Variants in SAMD12 observed in about 807,000 individuals in gnomAD.
The protein encoded by SAMD12 is sterile alpha motif domain-containing protein 12.
SAMD12 carries 9 observed loss-of-function variants against 15.0 expected under a neutral mutation model. The observed-to-expected ratio is 0.60, with a 90% CI of 0.36 to 1.05. SAMD12 has a LOEUF of 1.05. SAMD12 is among the 50% of genes least tolerant of loss of function. SAMD12 has a pLI of 0.01. For synonymous variants in SAMD12, 86 were observed against 90.1 expected (o/e 0.96, Z 0.25); for missense variants, 230 against 234.2 (o/e 0.98, Z 0.12).
chr8:118,243,685 G>T (rs1812623072), intron 4 of SAMD12, among the ~76,000 whole-genome samples: 1 of 152,028 alleles, frequency 6.6e-6, no homozygotes, highest in South Asian at 2.1e-4. Flanking sequence ...TAAAAATCCT[G>T]GAGATATATG....
At chr8:118,380,972 T>A (rs902264941) in intron 3 of SAMD12, among the ~76,000 whole-genome samples, 11 of 152,190 alleles carry the variant, frequency 7.2e-5, no homozygotes, top group African/African-American at 2.7e-4. Flanking sequence ...TGCTGATCAA[T>A]GTAACAAGAG....
intron 1 of SAMD12, among the ~76,000 whole-genome samples, chr8:118,610,679 G>T (rs557533630): frequency 7.9e-5 from 12 of 152,282 alleles, no homozygotes; most frequent in African/African-American, 2.9e-4. Context: ...AGCCAGATAC[G>T]GTTGTAGGCA....
intron 4 of SAMD12, among the ~76,000 whole-genome samples, chr8:118,252,746 T>C (rs988161719): frequency 6.6e-6 from 1 of 152,072 alleles, no homozygotes; most frequent in African/African-American, 2.4e-5. Context: ...TACTGCCTAT[T>C]ATGGGCAGTG....
At chr8:118,474,105 C>T (rs1010307651) in intron 2 of SAMD12, among the ~76,000 whole-genome samples, 5 of 151,988 alleles carry the variant, frequency 3.3e-5, no homozygotes, top group South Asian at 2.1e-4. Context: ...ATTATAGGCA[C>T]GCACCACCCC....
rs10647591 is a variant in SAMD12 at position 118,234,710 on chromosome 8, CAA to C, written c.434-36980_434-36979del. Among the ~76,000 whole-genome samples the C allele has an allele frequency of 5.7e-3, 606 of 105,622 alleles. 5 individuals are homozygous for C. In the South Asian group the frequency reaches 0.068, roughly 12 times the overall value. 69.3% of individuals were successfully genotyped at this position (105,622 alleles called of 152,430 possible). Reference sequence around the variant, plus strand: ...TAGGTGACAGAGTAAGACTCCATCTCAAAAAAAAAAAAAAAAAAAGAAATACT... The same window carrying C: ...TAGGTGACAGAGTAAGACTCCATCTCAAAAAAAAAAAAAAAAAGAAATACT... On this transcript the variant is annotated intron_variant, in intron 4 of 4. Coordinates refer to the SAMD12 transcript ENST00000409003.
At chr8:118,168,541 A>G in the SAMD12 span, among the ~76,000 whole-genome samples, 5 of 152,148 alleles carry the variant, frequency 3.3e-5, no homozygotes, top group Non-Finnish European at 7.3e-5. Context: ...TCCTCATTAC[A>G]TTCTGACCCT....
intron 3 of SAMD12, among the ~76,000 whole-genome samples, chr8:118,419,235 G>T (rs747309325): frequency 7.2e-5 from 11 of 151,918 alleles, no homozygotes; most frequent in Non-Finnish European, 1.6e-4. Context: ...CAGAGGAGCT[G>T]AGTACTGCCA....
At chr8:118,593,159 T>A (rs542750830) in intron 1 of SAMD12, among the ~76,000 whole-genome samples, 22 of 152,284 alleles carry the variant, frequency 1.4e-4, no homozygotes, top group African/African-American at 4.1e-4. Flanking sequence ...ATATATATAT[T>A]TTTTGTAATC....
intron 2 of SAMD12, among the ~76,000 whole-genome samples, chr8:118,490,366 AG>A (rs1220071650): frequency 1.3e-5 from 2 of 152,186 alleles, no homozygotes. Flanking sequence ...AAAACTACCA[AG>A]TGTTATTCGT....
intron 2 of SAMD12, among the ~76,000 whole-genome samples, chr8:118,574,233 A>T (rs369825504): frequency 6.6e-6 from 1 of 152,214 alleles, no homozygotes; most frequent in Non-Finnish European, 1.5e-5. Flanking sequence ...GATAAACTCA[A>T]ATGAATTTAG....
intron 2 of SAMD12, among the ~76,000 whole-genome samples, chr8:118,502,931 C>A (rs1367668750): frequency 6.6e-6 from 1 of 152,158 alleles, no homozygotes; most frequent in Non-Finnish European, 1.5e-5. Context: ...ATTTCTCCCC[C>A]CTTATGGAAG....
At chr8:118,556,970 A>G (rs949563483) in intron 2 of SAMD12, among the ~76,000 whole-genome samples, 2 of 151,924 alleles carry the variant, frequency 1.3e-5, no homozygotes, top group African/African-American at 4.8e-5. Flanking sequence ...TCTCAAAAAA[A>G]AAAGAAAGAA....
chr8:118,440,904 G>A (rs1232248576), intron 2 of SAMD12, among the ~76,000 whole-genome samples: 1 of 151,992 alleles, frequency 6.6e-6, no homozygotes, highest in Non-Finnish European at 1.5e-5. Flanking sequence ...TTATCATGTT[G>A]GATCAGTGTT....
intron 2 of SAMD12, among the ~76,000 whole-genome samples, chr8:118,470,358 T>C (rs1823760661): frequency 6.6e-6 from 1 of 152,134 alleles, no homozygotes; most frequent in African/African-American, 2.4e-5. Context: ...TATTAGGTTG[T>C]GAAGTAGAAG....
chr8:118,473,380 A>G (rs1037927322), intron 2 of SAMD12, among the ~76,000 whole-genome samples: 5 of 152,202 alleles, frequency 3.3e-5, no homozygotes, highest in Non-Finnish European at 7.4e-5. Context: ...GAGAATCTAA[A>G]GAAAATGTTC....
chr8:118,576,541 T>G lies in SAMD12; in HGVS notation c.192+4174A>C, dbSNP rs1256341650. Among the ~76,000 whole-genome samples the G allele has an allele frequency of 9.2e-5, 14 of 152,296 alleles. No individual in the cohort carries two copies. In the East Asian group the frequency reaches 2.7e-3, roughly 29 times the overall value. On this transcript the variant is annotated intron_variant, in intron 2 of 3. Coordinates refer to ENST00000314727, the MANE Select transcript of SAMD12 (RefSeq NM_207506.3). ...ACCCTCCATTCTTAGGGCTACATAT[T>G]GGAATTTATCCATACTTCGCAGCAT...
chr8:118,337,357 T>C (rs553241647), intron 4 of SAMD12, among the ~76,000 whole-genome samples: 4 of 152,258 alleles, frequency 2.6e-5, no homozygotes, highest in African/African-American at 9.6e-5. Context: ...AGGTATTGAT[T>C]GATTCAGACC....
intron 2 of SAMD12, among the ~76,000 whole-genome samples, chr8:118,481,879 A>G (rs6994187): frequency 0.61 from 93,004 of 152,028 alleles, 28,715 homozygotes; most frequent in Non-Finnish European, 0.63. Context: ...TTCGCCTTGG[A>G]AAACACTCAC....
At chr8:118,417,195 C>T (rs1821741975) in intron 3 of SAMD12, among the ~76,000 whole-genome samples, 1 of 152,054 alleles carries the variant, frequency 6.6e-6, no homozygotes, top group Admixed American at 6.5e-5. Flanking sequence ...ATCCTTCCAC[C>T]TCATCCTCCG....
Sources: allele counts gnomAD v4.1 joint callset (sites outside exome capture counted in the v4.1 genomes callset), GRCh38; gene constraint gnomAD v4.1.1; transcripts MANE v1.5; gene names NCBI Gene and HGNC (gene_info 2026-07-23, HGNC 2026-07-21).